Variants in RORA observed in about 807,000 individuals in gnomAD.
RORA encodes the protein nuclear receptor ROR-alpha.
In RORA, 7 loss-of-function variants were observed where a neutral mutation model predicts 69.5. The ratio of observed to expected loss-of-function variants is 0.10; its 90% CI spans 0.06 to 0.19. RORA has a LOEUF of 0.19. RORA is among the 10% of genes least tolerant of loss of function. RORA has a pLI of 1.00. For missense variants in RORA, 457 were observed against 663.0 expected, an observed-to-expected ratio of 0.69 and a Z score of 3.41; for synonymous variants, 261 against 240.8, an observed-to-expected ratio of 1.08 and a Z score of -0.78.
At chr15:60,991,279 A>G (rs77884335) in intron 1 of RORA, among the ~76,000 whole-genome samples, 1 of 81,284 alleles carries the variant, frequency 1.2e-5, no homozygotes, top group African/African-American at 3.9e-5. Flanking sequence ...GAGTGAGTGA[A>G]TGAATGAATG....
chr15:60,693,260 T>TA (rs1310944606), intron 1 of RORA, among the ~76,000 whole-genome samples: 2 of 152,204 alleles, frequency 1.3e-5, no homozygotes, highest in Non-Finnish European at 2.9e-5. Context: ...CCCTTCAGGT[T>TA]AAAAACTCTC....
chr15:60,692,616 G>A (rs2070844123), intron 1 of RORA, among the ~76,000 whole-genome samples: 1 of 152,224 alleles, frequency 6.6e-6, no homozygotes, highest in Admixed American at 6.5e-5. Flanking sequence ...TTAGCAAAGG[G>A]AAACAGGGAT....
intron 1 of RORA, among the ~76,000 whole-genome samples, chr15:61,219,197 CT>C (rs2080070343): frequency 6.6e-6 from 1 of 152,194 alleles, no homozygotes; most frequent in East Asian, 1.9e-4. Context: ...CAATGTTCCA[CT>C]AATAATGCAT....
intron 2 of RORA, among the ~76,000 whole-genome samples, chr15:60,584,083 G>A (rs1479863867): frequency 1.3e-5 from 2 of 152,178 alleles, no homozygotes; most frequent in East Asian, 1.9e-4. Context: ...AGGACTCTGC[G>A]GTCCACCTGG....
At chr15:61,018,072 TTAC>T (rs1895366726) in intron 1 of RORA, among the ~76,000 whole-genome samples, 1 of 152,232 alleles carries the variant, frequency 6.6e-6, no homozygotes, top group East Asian at 1.9e-4. Context: ...TCTTTTCTAT[TTAC>T]TACAATAGAT....
intron 1 of RORA, among the ~76,000 whole-genome samples, chr15:61,141,867 C>CAA (rs1230221627): frequency 6.6e-6 from 1 of 151,186 alleles, no homozygotes; most frequent in African/African-American, 2.4e-5. Context: ...GGACTAACAC[C>CAA]TCATTAGCAA....
chr15:60,962,268 T>A (rs757152689), intron 1 of RORA, among the ~76,000 whole-genome samples: 1 of 152,252 alleles, frequency 6.6e-6, no homozygotes, highest in Non-Finnish European at 1.5e-5. Context: ...AGCGTAAGCC[T>A]GGCTCTTCAG....
At chr15:60,558,662 C>A (rs2067442673) in intron 2 of RORA, among the ~76,000 whole-genome samples, 1 of 152,156 alleles carries the variant, frequency 6.6e-6, no homozygotes, top group South Asian at 2.1e-4. Flanking sequence ...CACCTTAAAA[C>A]CTATTGGAGA....
rs373328921 is a variant in RORA, at chr15:60,496,467, T to A, written c.*988A>T. On this transcript the variant is annotated 3_prime_UTR_variant, in exon 11 of 11. Coordinates refer to ENST00000335670, the MANE Select transcript of RORA (RefSeq NM_134261.3). The surrounding 1 kb of genome is among the most constrained non-coding windows in gnomAD (Gnocchi z 4.5). ...TTTAAAAAGCTTTAAAAAAAAAAAA[T>A]GAGCATGATGGTATATGTCCACCAC... 177 of 151,630 alleles carry A rather than the reference T, an allele frequency of 1.2e-3. 2 individuals are homozygous for A. The highest frequency in any genetic ancestry group is 4.0e-3 in the African/African-American group (164 of 41,358). The allele number at this position is 151,630 out of a possible 1,614,324, so 9.4% of individuals were successfully genotyped here.
intron 2 of RORA, among the ~76,000 whole-genome samples, chr15:60,563,238 G>C (rs944551885): frequency 6.6e-6 from 1 of 152,194 alleles, no homozygotes; most frequent in African/African-American, 2.4e-5. Flanking sequence ...GCAAGATGCT[G>C]ATGGTGCAAA....
chr15:61,120,269 T>C (rs959516275), intron 1 of RORA, among the ~76,000 whole-genome samples: 5 of 152,138 alleles, frequency 3.3e-5, no homozygotes, highest in African/African-American at 9.7e-5. Context: ...TCAATGAAAT[T>C]AAAATACTAA....
intron 1 of RORA, among the ~76,000 whole-genome samples, chr15:61,194,692 G>A (rs531128851): frequency 3.4e-4 from 52 of 152,246 alleles, no homozygotes; most frequent in South Asian, 2.1e-4. Flanking sequence ...TTTCAGCGTG[G>A]CAGTAAAAGG....
At chr15:60,580,514 C>G (rs1018999289) in intron 2 of RORA, among the ~76,000 whole-genome samples, 57 of 152,324 alleles carry the variant, frequency 3.7e-4, no homozygotes, top group African/African-American at 1.3e-3. Flanking sequence ...GTTGCCCACA[C>G]TGGTATAGAA....
chr15:60,572,376 A>G (rs1403643686), intron 2 of RORA, among the ~76,000 whole-genome samples: 1 of 152,184 alleles, frequency 6.6e-6, no homozygotes, highest in African/African-American at 2.4e-5. Flanking sequence ...GCCTTTCACA[A>G]CTTTACTAAA....
At chr15:60,581,929 T>C (rs1314576501) in intron 2 of RORA, among the ~76,000 whole-genome samples, 1 of 152,226 alleles carries the variant, frequency 6.6e-6, no homozygotes, top group Non-Finnish European at 1.5e-5. Context: ...CTGCAGACGA[T>C]ACATTGGGAG....
In RORA at chr15:61,061,523, C is replaced by T. The variant is rs1439811374; in HGVS notation, c.166+167530G>A. On this transcript the variant is annotated intron_variant, in intron 1 of 10. Transcript: ENST00000335670. This position sits in a 1 kb window ranked among gnomAD's most constrained non-coding sequence, Gnocchi z 4.4. ...TAGGCCAGGATAGACAAACTTCTGACCTCGCCCCTCATTCTAAAGTGTAAT... is the reference window on the plus strand; with the variant it reads ...TAGGCCAGGATAGACAAACTTCTGATCTCGCCCCTCATTCTAAAGTGTAAT... 6.6e-6 allele frequency among the ~76,000 whole-genome samples: 1 copy of T among 152,084 alleles called. No homozygotes were observed. Among genetic ancestry groups the T allele is most frequent in the Non-Finnish European group, 1.5e-5 (1 of 67,998 alleles).
intron 1 of RORA, among the ~76,000 whole-genome samples, chr15:61,156,554 T>C (rs2079445338): frequency 6.6e-6 from 1 of 152,078 alleles, no homozygotes; most frequent in South Asian, 2.1e-4. Context: ...AGCAGGAATC[T>C]GTGGGAGTGA....
chr15:61,159,696 G>A (rs541404126), intron 1 of RORA, among the ~76,000 whole-genome samples: 11 of 152,220 alleles, frequency 7.2e-5, no homozygotes, highest in African/African-American at 1.9e-4. Context: ...GTACCTTTGC[G>A]GCAATCACAC....
At chr15:60,949,212 C>T (rs536118347) in intron 1 of RORA, among the ~76,000 whole-genome samples, 60 of 152,262 alleles carry the variant, frequency 3.9e-4, no homozygotes, top group African/African-American at 1.4e-3. Context: ...CACAGCCTAA[C>T]GTGTTGAGGC....
Sources: allele counts gnomAD v4.1 joint callset (sites outside exome capture counted in the v4.1 genomes callset), GRCh38; gene constraint gnomAD v4.1.1; non-coding constraint Gnocchi (gnomAD v3.1); transcripts MANE v1.5; gene names NCBI Gene and HGNC (gene_info 2026-07-23, HGNC 2026-07-21).